BTBD16: variants seen among roughly 807,000 people sequenced by gnomAD.
The protein encoded by BTBD16 is BTB/POZ domain-containing protein 16.
Under a neutral mutation model 67.4 loss-of-function variants are expected in BTBD16, and 66 were observed. The observed-to-expected ratio is 0.98, with a 90% CI of 0.80 to 1.20. The LOEUF (loss-of-function observed/expected upper bound fraction) is 1.20, where lower values mean the gene tolerates loss of function less well. Ranked by LOEUF, BTBD16 falls within the 50% of genes most tolerant of loss-of-function variation. The pLI is 0.00. For synonymous variants in BTBD16, 242 were observed against 236.4 expected (o/e 1.02, Z -0.22); for missense variants, 634 against 616.0 (o/e 1.03, Z -0.31).
intron 2 of BTBD16, among the ~76,000 whole-genome samples, chr10:122,275,508 C>T (rs1320069373): frequency 6.6e-6 from 1 of 152,292 alleles, no homozygotes; most frequent in African/African-American, 2.4e-5. Flanking sequence ...TAACCATTAC[C>T]GTCACCACCA....
At chr10:122,319,490 T>A (rs1198712783) in intron 10 of BTBD16, among the ~76,000 whole-genome samples, 1 of 152,170 alleles carries the variant, frequency 6.6e-6, no homozygotes, top group Non-Finnish European at 1.5e-5. Context: ...GTATTCTATT[T>A]CCCTTGAATT....
rs376855913 is a variant in BTBD16, at chr10:122,285,516, C to T, written c.242-589C>T. Reference sequence around the variant, plus strand: ...TTTGTATTCATAGCCCAGTAGTTCTCAACAGGGAACTGGGGGGTGATTTGG... The same window carrying T: ...TTTGTATTCATAGCCCAGTAGTTCTTAACAGGGAACTGGGGGGTGATTTGG... On this transcript the variant is annotated intron_variant, in intron 4 of 15. Transcript: ENST00000260723. Among the ~76,000 whole-genome samples the T allele has an allele frequency of 4.2e-4, 64 of 152,252 alleles. No homozygotes were observed. In the South Asian group the frequency reaches 0.013, roughly 30 times the overall value.
chr10:122,332,091 C>T (rs572433741), intron 12 of BTBD16: 83 of 208,840 alleles, frequency 4.0e-4, no homozygotes, highest in African/African-American at 1.8e-3. Context: ...CTCTCCTCCC[C>T]AGCCCTCACC....
At chr10:122,303,661 A>C in intron 9 of BTBD16, 1 of 885,010 alleles carries the variant, frequency 1.1e-6, no homozygotes, top group African/African-American at 1.8e-5. Context: ...TCAGTGAAAA[A>C]TAGAGGACAG....
chr10:122,292,166 G>A (rs1275643323), intron 7 of BTBD16, among the ~76,000 whole-genome samples: 1 of 152,174 alleles, frequency 6.6e-6, no homozygotes, highest in East Asian at 1.9e-4. Context: ...CTACAATAAG[G>A]TGCCCCTTAG....
At chr10:122,288,359 C>T (rs148202079) in intron 5 of BTBD16, among the ~76,000 whole-genome samples, 1 of 152,190 alleles carries the variant, frequency 6.6e-6, no homozygotes, top group African/African-American at 2.4e-5. Flanking sequence ...TGAGTATTTA[C>T]TCAGTGAGAG....
intron 10 of BTBD16, among the ~76,000 whole-genome samples, chr10:122,312,321 T>C (rs1029503432): frequency 6.9e-6 from 1 of 144,180 alleles, no homozygotes; most frequent in Non-Finnish European, 1.5e-5. Flanking sequence ...TTTTTTTTTT[T>C]TTTTTTTTTT....
chr10:122,279,653 T>C (rs1405188229), intron 3 of BTBD16, among the ~76,000 whole-genome samples: 1 of 152,282 alleles, frequency 6.6e-6, no homozygotes, highest in Middle Eastern at 3.4e-3. Flanking sequence ...CTGGTAATTC[T>C]TGTGAACCTT....
rs1564967878 is a variant in BTBD16, at chr10:122,289,976, T to G, written c.453T>G (p.Asn151Lys). Residue 151 changes from asparagine (N) to lysine (K), a missense_variant, in exon 6 of 16, where the codon AAT becomes AAG. Transcript: ENST00000260723. ...AKRIIISLKI[N>K]DPLVTKVAFA... ...GGATCATCATTTCCTTGAAGATCAATGACCCACTGGTCACTAAAGTCGGTA... is the reference window on the plus strand; with the variant it reads ...GGATCATCATTTCCTTGAAGATCAAGGACCCACTGGTCACTAAAGTCGGTA... 1 of 1,613,444 alleles carries G rather than the reference T, an allele frequency of 6.2e-7. No individual in the cohort carries two copies.
intron 5 of BTBD16, among the ~76,000 whole-genome samples, chr10:122,288,644 A>C (rs2096368194): frequency 6.6e-6 from 1 of 152,160 alleles, no homozygotes; most frequent in African/African-American, 2.4e-5. Flanking sequence ...TTGGGGGAAA[A>C]GCACAACAGG....
In BTBD16 at chr10:122,286,176, G is replaced by A. The variant is rs751317054; in HGVS notation, c.313G>A (p.Ala105Thr). The A allele has an allele frequency of 7.4e-6, 12 of 1,613,838 alleles. No homozygotes were observed. The East Asian group carries it at 2.7e-4, about 36-fold the overall frequency. ...QPQLFQSETL[A>T]KLYLKALAQG... ...CCAGCTTTTTCAGTCTGAGACCTTG[G>A]CCAAGCTCTACCTGAAAGCCCTGGC... The change falls in exon 5 of 16, where the codon GCC (alanine) becomes ACC (threonine). Residue 105 changes from alanine to threonine, a missense_variant. Physicochemically the swap from Ala to Thr is moderately conservative, Grantham distance 58. Transcript: ENST00000260723.
intron 4 of BTBD16, among the ~76,000 whole-genome samples, chr10:122,284,667 A>G (rs2096359902): frequency 1.5e-5 from 2 of 131,126 alleles, no homozygotes. Context: ...CAGCTTCTTA[A>G]AGTGGATTTT....
chr10:122,299,128 C>T lies in BTBD16; in HGVS notation c.785C>T (p.Ser262Phe), dbSNP rs1422092117. The change falls in exon 9 of 16, where the codon TCC (serine) becomes TTC (phenylalanine). Residue 262 changes from serine to phenylalanine, a missense_variant. Coordinates refer to ENST00000260723, the MANE Select transcript of BTBD16 (RefSeq NM_144587.5). ...PQDLLHKVLK[S>F]PRLFTFSEFH... ...GACCTGCTCCACAAAGTGCTGAAGT[C>T]CCCCAGGTCAGAGCTGGCTCCCAGG... is the stretch of plus-strand genomic sequence containing the variant. 5 of 1,613,562 alleles carry T rather than the reference C, an allele frequency of 3.1e-6. No homozygotes were observed. The highest frequency in any genetic ancestry group is 2.7e-5 in the African/African-American group (2 of 75,020).
intron 10 of BTBD16, among the ~76,000 whole-genome samples, chr10:122,317,712 A>G (rs1565009086): frequency 6.6e-6 from 1 of 152,124 alleles, no homozygotes; most frequent in Non-Finnish European, 1.5e-5. Flanking sequence ...AAACACACGT[A>G]TTAGCCTAGG....
intron 10 of BTBD16, among the ~76,000 whole-genome samples, chr10:122,311,681 A>G (rs773550409): frequency 1.3e-4 from 20 of 152,252 alleles, no homozygotes; most frequent in Admixed American, 2.0e-4. Flanking sequence ...AGAAAGGTGC[A>G]TGAACCTTAA....
chr10:122,328,985 C>T (rs548785091), intron 10 of BTBD16, among the ~76,000 whole-genome samples: 1 of 152,108 alleles, frequency 6.6e-6, no homozygotes, highest in African/African-American at 2.4e-5. Context: ...ACTTTTGCAG[C>T]GCCTAATTTG....
chr10:122,337,051 C>T (rs569654165), intron 15 of BTBD16, among the ~76,000 whole-genome samples: 6 of 152,292 alleles, frequency 3.9e-5, no homozygotes, highest in Admixed American at 3.9e-4. Flanking sequence ...ATCCACAGCC[C>T]AGACCCACCT....
intron 15 of BTBD16, among the ~76,000 whole-genome samples, chr10:122,337,680 T>C (rs1291422223): frequency 6.6e-6 from 1 of 152,182 alleles, no homozygotes; most frequent in Non-Finnish European, 1.5e-5. Flanking sequence ...TTAGCCAGGA[T>C]GGTCTCGATC....
intron 5 of BTBD16, among the ~76,000 whole-genome samples, chr10:122,286,731 C>A (rs1285076842): frequency 6.6e-6 from 1 of 152,130 alleles, no homozygotes; most frequent in Admixed American, 6.5e-5. Flanking sequence ...GTTGTCTTTG[C>A]TTTTCTTTCC....
Sources: gnomAD v4.1 joint callset for allele counts (sites outside exome capture counted in the v4.1 genomes callset) on GRCh38, gnomAD v4.1.1 for gene constraint, MANE v1.5 for transcripts, NCBI Gene and HGNC (gene_info 2026-07-23, HGNC 2026-07-21) for gene names.